Variants in USH2A observed in about 807,000 individuals in gnomAD.
The protein encoded by USH2A is usherin, also known as Usher syndrome 2A (autosomal recessive, mild).
In USH2A, 443 loss-of-function variants were observed where a neutral mutation model predicts 538.9. The observed-to-expected ratio is 0.82, with a 90% CI of 0.76 to 0.89. The LOEUF (loss-of-function observed/expected upper bound fraction) is 0.89, where lower values mean the gene tolerates loss of function less well. Ranked by LOEUF, USH2A falls within the 40% of genes least tolerant of loss-of-function variation. USH2A has a pLI of 0.00. For missense variants in USH2A, 6,633 were observed against 6,324.8 expected, an observed-to-expected ratio of 1.05 and a Z score of -1.65; for synonymous variants, 2,413 against 2,273.5, an observed-to-expected ratio of 1.06 and a Z score of -1.75.
At chr1:216,395,097 G>T (rs540190295) in intron 3 of USH2A, among the ~76,000 whole-genome samples, 7 of 152,192 alleles carry the variant, frequency 4.6e-5, no homozygotes, top group African/African-American at 1.7e-4. Context: ...TGAGACTTCT[G>T]TCAAATAGTT....
At position 215,630,480 on chromosome 1, in the gene USH2A, GTGTATATATATATATATATATATA is replaced by G. The variant is rs1346905547; in HGVS notation, c.15298-1469_15298-1446del. Among the ~76,000 whole-genome samples the G allele has an allele frequency of 2.3e-4, 24 of 105,938 alleles. 1 individual carries two copies. The highest frequency in any genetic ancestry group is 1.5e-3 in the East Asian group (6 of 4,034). The allele number at this position is 105,938 out of a possible 152,430, so 69.5% of individuals were successfully genotyped here. A position where few individuals can be genotyped will look rare whatever the true frequency, so the allele number is the denominator to read the frequency against. On this transcript the variant is annotated intron_variant, in intron 70 of 71. Transcript: ENST00000307340. ...AATATATATGTATGTGTATGTGTGT[GTGTATATATATATATATATATATA>G]TATATATATATATATATATATATGA... is the stretch of plus-strand genomic sequence containing the variant.
intron 3 of USH2A, among the ~76,000 whole-genome samples, chr1:216,412,802 G>A (rs2039511631): frequency 6.6e-6 from 1 of 151,608 alleles, no homozygotes. Flanking sequence ...TTAGTTTAAG[G>A]TCAGAGAAGC....
chr1:215,848,221 C>A (rs950513380), intron 44 of USH2A, among the ~76,000 whole-genome samples: 3 of 152,094 alleles, frequency 2.0e-5, no homozygotes, highest in Non-Finnish European at 4.4e-5. Context: ...ATTTATTACT[C>A]ATTAATTTGT....
chr1:216,139,443 A>C (rs763839798), intron 21 of USH2A, among the ~76,000 whole-genome samples: 12 of 152,044 alleles, frequency 7.9e-5, no homozygotes, highest in Non-Finnish European at 1.3e-4. Context: ...AAAAAGAAAA[A>C]ATTCATTTTC....
chr1:216,325,439 G>T lies in USH2A; in HGVS notation c.1009C>A (p.Pro337Thr), dbSNP rs752682771. The stretch of plus-strand genomic sequence containing the variant: ...ACAAAAGAGAGAGGATGGGCTTCAG[G>T]ATTCAACCGTGACACTCTATTATCA... ...TADNRVSRLN[P>T]EAHPLSFVND... is the part of the protein sequence containing the mutation. The change falls in exon 6 of 72, where the codon CCT becomes ACT. Residue 337 changes from proline (P) to threonine (T), a missense_variant. Transcript: ENST00000307340. 6.2e-7 allele frequency: 1 copy of T among 1,613,910 alleles called. No homozygotes were observed. Among genetic ancestry groups the T allele is most frequent in the Admixed American group, 1.7e-5 (1 of 59,974 alleles).
intron 21 of USH2A, among the ~76,000 whole-genome samples, chr1:216,106,764 T>C (rs1029187689): frequency 5.3e-5 from 8 of 151,926 alleles, no homozygotes; most frequent in Admixed American, 2.6e-4. Flanking sequence ...TTGGACTTTT[T>C]TCTTCTAAGA....
intron 4 of USH2A, among the ~76,000 whole-genome samples, chr1:216,329,064 T>C (rs1041862991): frequency 4.6e-5 from 7 of 152,180 alleles, no homozygotes; most frequent in Non-Finnish European, 8.8e-5. Context: ...CCTCCTGCTC[T>C]GACTTTCCCG....
intron 38 of USH2A, among the ~76,000 whole-genome samples, chr1:215,914,901 T>A (rs2102483000): frequency 6.6e-6 from 1 of 152,290 alleles, no homozygotes; most frequent in African/African-American, 2.4e-5. Flanking sequence ...GAGTTGTTTA[T>A]TAAACAACTC....
intron 3 of USH2A, among the ~76,000 whole-genome samples, chr1:216,370,007 G>A (rs1294711731): frequency 6.6e-6 from 1 of 151,178 alleles, no homozygotes; most frequent in Non-Finnish European, 1.5e-5. Context: ...AGTTACCTAA[G>A]GCAGGTTTAC....
chr1:215,965,318 T>G lies in USH2A; in HGVS notation c.7119A>C (p.Pro2373=). The G allele has an allele frequency of 6.2e-7, 1 of 1,612,454 alleles. No individual in the cohort carries two copies. Among genetic ancestry groups the G allele is most frequent in the Non-Finnish European group, 8.5e-7 (1 of 1,179,372 alleles). The change falls in exon 37 of 72, where the codon CCA becomes CCC. Residue 2373 remains proline, a splice_region_variant and synonymous_variant. Coordinates refer to ENST00000307340, the MANE Select transcript of USH2A (RefSeq NM_206933.4). ...VLFTGIFYVD[P]VGNNYTLLNV... is the part of the protein sequence containing the mutation. ...GTTTAGAAAATAAAAACAAATTACC[T>G]GGGTCTACATAGAATATCCCAGTGA...
intron 54 of USH2A, among the ~76,000 whole-genome samples, chr1:215,780,490 A>T (rs547655926): frequency 5.6e-4 from 86 of 152,380 alleles, no homozygotes; most frequent in African/African-American, 1.9e-3. Context: ...TGCTTTGAAC[A>T]GAATAAATGG....
At chr1:216,180,121 C>T (rs2034464984) in intron 20 of USH2A, among the ~76,000 whole-genome samples, 1 of 152,044 alleles carries the variant, frequency 6.6e-6, no homozygotes, top group Admixed American at 6.6e-5. Context: ...GCTATCATTA[C>T]AAGAACAAAT....
chr1:215,762,068 A>C (rs1309926507), intron 56 of USH2A, among the ~76,000 whole-genome samples: 1 of 152,186 alleles, frequency 6.6e-6, no homozygotes, highest in Non-Finnish European at 1.5e-5. Context: ...CCAACTTTCT[A>C]AGGAGCAATA....
At chr1:216,131,120 T>C (rs2033367805) in intron 21 of USH2A, among the ~76,000 whole-genome samples, 1 of 152,076 alleles carries the variant, frequency 6.6e-6, no homozygotes, top group Non-Finnish European at 1.5e-5. Flanking sequence ...TTGAGATCTG[T>C]CTATTTATGT....
intron 44 of USH2A, among the ~76,000 whole-genome samples, chr1:215,848,889 T>G (rs1313937958): frequency 6.6e-6 from 1 of 152,170 alleles, no homozygotes; most frequent in Non-Finnish European, 1.5e-5. Flanking sequence ...TCAAATAAGG[T>G]CTTTAAACTT....
intron 4 of USH2A, among the ~76,000 whole-genome samples, chr1:216,335,160 TAAC>T (rs1337936250): frequency 6.6e-6 from 1 of 151,680 alleles, no homozygotes. Flanking sequence ...TTTGTAAAAT[TAAC>T]AAATGTGTGA....
chr1:216,407,693 TTGTTCA>T (rs1307443922), intron 3 of USH2A, among the ~76,000 whole-genome samples: 1 of 152,190 alleles, frequency 6.6e-6, no homozygotes, highest in Non-Finnish European at 1.5e-5. Flanking sequence ...TTAGTGCGAA[TTGTTCA>T]TGTATAACTG....
At chr1:216,245,470 TGAGAGAGAGAGAGA>T (rs10535828) in intron 13 of USH2A, among the ~76,000 whole-genome samples, 1,714 of 114,236 alleles carry the variant, frequency 0.015, 17 homozygotes, top group East Asian at 0.029. Context: ...AGTCCCCTTC[TGAGAGAGAGAGAGA>T]GAGAGAGAGA....
At chr1:215,688,967 G>T (rs1024488493) in intron 61 of USH2A, among the ~76,000 whole-genome samples, 2 of 152,012 alleles carry the variant, frequency 1.3e-5, no homozygotes, top group African/African-American at 4.8e-5. Flanking sequence ...GGTAGACATA[G>T]AATTAAGGGG....
Sources: gnomAD v4.1 joint callset for allele counts (sites outside exome capture counted in the v4.1 genomes callset) on GRCh38, gnomAD v4.1.1 for gene constraint, MANE v1.5 for transcripts, NCBI Gene and HGNC (gene_info 2026-07-23, HGNC 2026-07-21) for gene names.